ROBO1: variants seen among roughly 807,000 people sequenced by gnomAD.
The protein encoded by ROBO1 is roundabout guidance receptor 1.
ROBO1 carries 149 observed loss-of-function variants against 195.9 expected under a neutral mutation model. The ratio of observed to expected loss-of-function variants is 0.76; its 90% confidence interval spans 0.67 to 0.87. The LOEUF (loss-of-function observed/expected upper bound fraction) is 0.87. ROBO1 is among the 40% of genes least tolerant of loss of function. The probability of loss-of-function intolerance (pLI) is 0.00; values close to 1 mark genes in which losing one functional copy is unlikely to be tolerated. For synonymous variants in ROBO1, 816 were observed against 733.2 expected, an observed-to-expected ratio of 1.11 and a Z score of -1.82; for missense variants, 1,933 against 2,068.3, an observed-to-expected ratio of 0.93 and a Z score of 1.27.
chr3:79,553,858 T>C (rs1942609102), intron 2 of ROBO1, among the ~76,000 whole-genome samples: 1 of 152,080 alleles, frequency 6.6e-6, no homozygotes, highest in African/African-American at 2.4e-5. Context: ...AGAATGGCTG[T>C]TGATTTCTGG....
chr3:79,303,573 T>C (rs2033079663), intron 2 of ROBO1, among the ~76,000 whole-genome samples: 1 of 152,134 alleles, frequency 6.6e-6, no homozygotes, highest in Non-Finnish European at 1.5e-5. Flanking sequence ...GAATAGAGCT[T>C]GCAAATTTAT....
At chr3:79,703,093 G>A (rs1458759124) in intron 1 of ROBO1, among the ~76,000 whole-genome samples, 2 of 151,838 alleles carry the variant, frequency 1.3e-5, no homozygotes, top group Non-Finnish European at 2.9e-5. Flanking sequence ...AAGTCTTAAA[G>A]GTTAATGTAA....
At chr3:79,596,377 C>T (rs58579705) in intron 1 of ROBO1, among the ~76,000 whole-genome samples, 3,638 of 151,900 alleles carry the variant, frequency 0.024, 99 homozygotes, top group African/African-American at 0.068. Context: ...AAGGAAGTAG[C>T]CAAAGTGGGA....
intron 3 of ROBO1, among the ~76,000 whole-genome samples, chr3:79,106,340 T>C (rs1576679654): frequency 6.6e-6 from 1 of 151,804 alleles, no homozygotes; most frequent in African/African-American, 2.4e-5. Context: ...ATTATTGTGA[T>C]ATCACATTCT....
intron 3 of ROBO1, among the ~76,000 whole-genome samples, chr3:79,009,866 T>C (rs1256982117): frequency 6.6e-6 from 1 of 152,196 alleles, no homozygotes; most frequent in Non-Finnish European, 1.5e-5. Flanking sequence ...AGAAGTTGGA[T>C]AACAGTGATT....
intron 4 of ROBO1, among the ~76,000 whole-genome samples, chr3:78,777,687 A>C (rs1181692515): frequency 6.6e-6 from 1 of 152,176 alleles, no homozygotes; most frequent in Non-Finnish European, 1.5e-5. Flanking sequence ...TTGTATTATA[A>C]ATTTTTTCAC....
chr3:78,650,987 G>A (rs1706613035), intron 19 of ROBO1, among the ~76,000 whole-genome samples: 1 of 152,108 alleles, frequency 6.6e-6, no homozygotes, highest in Non-Finnish European at 1.5e-5. Flanking sequence ...AATTTCCTTT[G>A]AGAATAAAAA....
At chr3:79,547,051 G>A (rs1348013258) in intron 2 of ROBO1, among the ~76,000 whole-genome samples, 1 of 151,692 alleles carries the variant, frequency 6.6e-6, no homozygotes, top group Non-Finnish European at 1.5e-5. Flanking sequence ...CGGGCGTGGT[G>A]GCGGGTGCCT....
intron 7 of ROBO1, 126 bp from the exon 8 acceptor site, chr3:78,714,650 C>G: frequency 1.2e-6 from 1 of 818,824 alleles, no homozygotes; most frequent in Non-Finnish European, 1.8e-6. Flanking sequence ...AAGAGTAAAA[C>G]ATGGTATTCC....
intron 4 of ROBO1, among the ~76,000 whole-genome samples, chr3:78,764,508 G>A (rs1475706333): frequency 3.9e-5 from 6 of 152,240 alleles, no homozygotes; most frequent in Admixed American, 3.3e-4. Context: ...TTAATGGAAA[G>A]TCTTTGGCAG....
At chr3:79,537,097 CT>C (rs1484260657) in intron 2 of ROBO1, among the ~76,000 whole-genome samples, 1 of 140,476 alleles carries the variant, frequency 7.1e-6, no homozygotes, top group Non-Finnish European at 1.5e-5. Flanking sequence ...ATCTTTCCTT[CT>C]TTTTTCCTTT....
intron 2 of ROBO1, among the ~76,000 whole-genome samples, chr3:79,398,144 C>G (rs1177956556): frequency 6.6e-6 from 1 of 152,032 alleles, no homozygotes; most frequent in Non-Finnish European, 1.5e-5. Context: ...CAAGAGATGT[C>G]TGCCCTGTTC....
chr3:79,047,789 C>G (rs533416204), intron 3 of ROBO1, among the ~76,000 whole-genome samples: 2 of 151,920 alleles, frequency 1.3e-5, no homozygotes, highest in Non-Finnish European at 2.9e-5. Context: ...GACATTAAGC[C>G]CTACAAATGA....
At chr3:78,715,398 A>G (rs2081876451) in intron 7 of ROBO1, 1 of 152,156 alleles carries the variant, frequency 6.6e-6, no homozygotes, top group Non-Finnish European at 1.5e-5. Context: ...TTTACTGTTG[A>G]GCCCTGTCTC....
chr3:79,264,861 T>C (rs2083006619), intron 2 of ROBO1, among the ~76,000 whole-genome samples: 1 of 151,974 alleles, frequency 6.6e-6, no homozygotes, highest in South Asian at 2.1e-4. Flanking sequence ...TTAGTACTAA[T>C]CTCAGTTGTA....
intron 3 of ROBO1, among the ~76,000 whole-genome samples, chr3:79,071,927 A>C: frequency 6.6e-6 from 1 of 151,840 alleles, no homozygotes; most frequent in East Asian, 1.9e-4. Context: ...CTAGTCTAAA[A>C]AATGTTCTGT....
chr3:79,454,501 C>T (rs949273159), intron 2 of ROBO1, among the ~76,000 whole-genome samples: 1 of 152,026 alleles, frequency 6.6e-6, no homozygotes, highest in East Asian at 1.9e-4. Context: ...TTTAACCTGC[C>T]TTTCAATTGA....
intron 2 of ROBO1, among the ~76,000 whole-genome samples, chr3:79,243,747 T>C (rs1244193035): frequency 6.6e-6 from 1 of 152,110 alleles, no homozygotes; most frequent in East Asian, 1.9e-4. Flanking sequence ...GTCAGATGAG[T>C]AGATTGCAAA....
chr3:79,703,684 A>T (rs2107176188), intron 1 of ROBO1, among the ~76,000 whole-genome samples: 1 of 152,064 alleles, frequency 6.6e-6, no homozygotes, highest in East Asian at 1.9e-4. Context: ...ACTAACTTAA[A>T]CTATGTATTC....
Sources: allele counts gnomAD v4.1 joint callset (sites outside exome capture counted in the v4.1 genomes callset), GRCh38; gene constraint gnomAD v4.1.1; transcripts MANE v1.5; gene names NCBI Gene and HGNC (gene_info 2026-07-23, HGNC 2026-07-21).